NUP85: variants seen among roughly 807,000 people sequenced by gnomAD.
NUP85 encodes nucleoporin 85.
In NUP85, 23 loss-of-function variants were observed where a neutral mutation model predicts 92.8. The observed-to-expected ratio is 0.25, with a 90% CI of 0.18 to 0.35. The LOEUF is 0.35. NUP85 is among the 10% of genes least tolerant of loss of function. NUP85 has a pLI of 1.00. For missense variants in NUP85, 759 were observed against 822.8 expected (o/e 0.92, Z 0.95); for synonymous variants, 314 against 306.9 (o/e 1.02, Z -0.24).
At chr17:75,208,709 A>T (rs2075165304) in intron 2 of NUP85, 89 bp downstream of exon 2, 1 of 768,644 alleles carries the variant, frequency 1.3e-6, no homozygotes, top group Non-Finnish European at 2.3e-6. Flanking sequence ...TTGTGGACTG[A>T]AACAGTTGAA....
chr17:75,231,620 G>A lies in NUP85; in HGVS notation c.1226G>A (p.Gly409Glu). 1 of 1,614,174 alleles carries A rather than the reference G, an allele frequency of 6.2e-7. No homozygotes were observed. Among genetic ancestry groups the A allele is most frequent in the Non-Finnish European group, 8.5e-7 (1 of 1,180,036 alleles). The change falls in exon 13 of 19, where the codon GGA becomes GAA. Residue 409 changes from glycine to glutamate, a missense_variant. Physicochemically the swap from Gly to Glu is moderately conservative, Grantham distance 98. Coordinates refer to ENST00000245544, the MANE Select transcript of NUP85 (RefSeq NM_024844.5). This position sits in a 1 kb window ranked among gnomAD's most constrained non-coding sequence, Gnocchi z 4.6. ...TTCCTCCTGCTGGAGTACGCCTCGG[G>A]ACTGTTTGCTCATCCCAGGTAGGAA... ...REFLLLEYAS[G>E]LFAHPSLWQL...
Position 75,226,093 on chromosome 17 carries a change from C to A in NUP85, c.1030C>A (p.Pro344Thr), listed in dbSNP as rs1402714601. ...LFLGGESSPE[P>T]LDNILLAAFE... ...TCTGGGAGGTGAGAGCAGCCCAGAA[C>A]CCCTGGACAACATCTTGTTGGCAGC... The change falls in exon 11 of 19, where the codon CCC becomes ACC. Residue 344 changes from proline to threonine, a missense_variant. Coordinates refer to ENST00000245544, the MANE Select transcript of NUP85 (RefSeq NM_024844.5). The A allele has an allele frequency of 6.2e-7, 1 of 1,614,158 alleles. No individual in the cohort carries two copies. Among genetic ancestry groups the A allele is most frequent in the East Asian group, 2.2e-5 (1 of 44,876 alleles).
At chr17:75,215,640 A>T (rs1410470731) in intron 5 of NUP85, 114 bp from the exon 6 acceptor site, 12 of 909,832 alleles carry the variant, frequency 1.3e-5, no homozygotes, top group Non-Finnish European at 1.9e-5. Flanking sequence ...GATTGCAGTA[A>T]CCTTTGGGTT....
intron 3 of NUP85, among the ~76,000 whole-genome samples, chr17:75,210,980 C>T (rs1475340157): frequency 3.6e-5 from 5 of 140,646 alleles, no homozygotes; most frequent in Non-Finnish European, 6.1e-5. Flanking sequence ...GGATTACAGA[C>T]GTGAGCCACT....
rs747358067 is a variant in NUP85, at chr17:75,235,220, T to G, written c.1869+19T>G. The stretch of plus-strand genomic sequence containing the variant: ...GCTCCAGGTCATTTTCACTTTTGGG[T>G]TGATGGTTCCACATGGAGGTGGGAA... On this transcript the variant is annotated intron_variant, in intron 18 of 18. Coordinates refer to ENST00000245544, the MANE Select transcript of NUP85 (RefSeq NM_024844.5). The G allele has an allele frequency of 1.3e-6, 2 of 1,589,270 alleles. No homozygotes were observed. Among genetic ancestry groups the G allele is most frequent in the Non-Finnish European group, 1.7e-6 (2 of 1,161,222 alleles).
intron 11 of NUP85, chr17:75,229,277 A>G (rs148274209): frequency 2.2e-5 from 12 of 546,110 alleles, no homozygotes; most frequent in Non-Finnish European, 2.8e-5. Context: ...CATTTCCAGA[A>G]TAGCAGGTAG....
chr17:75,206,755 T>G (rs1224709999), intron 1 of NUP85, among the ~76,000 whole-genome samples: 1 of 152,166 alleles, frequency 6.6e-6, no homozygotes, highest in African/African-American at 2.4e-5. Flanking sequence ...TGGAGTGCAG[T>G]GGCGCGGTCT....
At chr17:75,206,795 T>A (rs2075096225) in intron 1 of NUP85, among the ~76,000 whole-genome samples, 1 of 151,884 alleles carries the variant, frequency 6.6e-6, no homozygotes, top group Admixed American at 6.6e-5. Context: ...CCTCCCGGGT[T>A]CACACCATTC....
chr17:75,229,235 A>C, intron 11 of NUP85: 6 of 843,162 alleles, frequency 7.1e-6, no homozygotes, highest in Non-Finnish European at 8.6e-6. Flanking sequence ...TCTTGGATGC[A>C]GGGTGCAGCA....
At chr17:75,212,110 GGGTA>G in intron 4 of NUP85, 48 bp downstream of exon 4, 5 of 1,045,422 alleles carry the variant, frequency 4.8e-6, no homozygotes, top group Non-Finnish European at 5.8e-6. Flanking sequence ...GTGTGTGTGT[GGGTA>G]TTTTGAGTAT....
intron 7 of NUP85, among the ~76,000 whole-genome samples, chr17:75,220,419 G>A (rs1449121162): frequency 6.6e-6 from 1 of 151,016 alleles, no homozygotes; most frequent in African/African-American, 2.4e-5. Flanking sequence ...CACCATGCCT[G>A]GCCTTTTTTT....
chr17:75,232,610 C>G (rs1439085795), intron 14 of NUP85, among the ~76,000 whole-genome samples: 1 of 152,100 alleles, frequency 6.6e-6, no homozygotes, highest in Non-Finnish European at 1.5e-5. Context: ...CGTTTTGCTC[C>G]CCTTGAAGCC....
At chr17:75,223,048 A>C (rs1056548489) in intron 7 of NUP85, among the ~76,000 whole-genome samples, 1 of 151,690 alleles carries the variant, frequency 6.6e-6, no homozygotes, top group Non-Finnish European at 1.5e-5. Flanking sequence ...AAAAAAAAAA[A>C]AAAAAACTCA....
intron 11 of NUP85, chr17:75,228,801 A>G (rs982442272): frequency 5.1e-6 from 5 of 985,290 alleles, no homozygotes; most frequent in African/African-American, 1.7e-5. Flanking sequence ...TCCTATGTCA[A>G]TAATCGTGCC....
chr17:75,211,417 C>A (rs1196575062), intron 3 of NUP85, among the ~76,000 whole-genome samples: 1 of 129,476 alleles, frequency 7.7e-6, no homozygotes, highest in Non-Finnish European at 1.6e-5. Flanking sequence ...TGGCAGGGGA[C>A]CCTGTCTTAT....
At chr17:75,229,181 C>T (rs2075944188) in intron 11 of NUP85, 5 of 983,914 alleles carry the variant, frequency 5.1e-6, no homozygotes, top group Admixed American at 6.1e-5. Context: ...TTAATGTCTG[C>T]TGAATCTAGA....
At chr17:75,223,667 C>T (rs961031891) in intron 7 of NUP85, among the ~76,000 whole-genome samples, 8 of 152,216 alleles carry the variant, frequency 5.3e-5, no homozygotes, top group South Asian at 2.1e-4. Flanking sequence ...GAATTACAGA[C>T]GTGAGCCACC....
chr17:75,228,261 A>G, intron 11 of NUP85: 2 of 985,428 alleles, frequency 2.0e-6, no homozygotes, highest in Non-Finnish European at 2.4e-6. Flanking sequence ...GAGAAAGAGA[A>G]GTACCATGAA....
intron 4 of NUP85, among the ~76,000 whole-genome samples, 176 bp downstream of exon 4, chr17:75,212,238 T>TTTGTTGTTG (rs1395059827): frequency 0.041 from 330 of 7,964 alleles, 11 homozygotes; most frequent in Middle Eastern, 0.17. Flanking sequence ...GGTTTTTTTT[T>TTTGTTGTTG]TTGTTGTTGT....
Sources: allele counts gnomAD v4.1 joint callset (sites outside exome capture counted in the v4.1 genomes callset), GRCh38; gene constraint gnomAD v4.1.1; non-coding constraint Gnocchi (gnomAD v3.1); transcripts MANE v1.5; gene names NCBI Gene and HGNC (gene_info 2026-07-23, HGNC 2026-07-21).